Variants in RSPO2 observed in about 807,000 individuals in gnomAD.
RSPO2 encodes R-spondin-2.
RSPO2 carries 14 observed loss-of-function variants against 30.9 expected under a neutral mutation model. That is an observed-to-expected ratio of 0.45 (90% CI 0.30 to 0.71). The LOEUF (loss-of-function observed/expected upper bound fraction) is 0.71. Among genes scored for constraint, RSPO2 ranks in the 30% least tolerant of loss-of-function variants. RSPO2 has a pLI of 0.08. For missense variants in RSPO2, 264 were observed against 301.9 expected, an observed-to-expected ratio of 0.87 and a Z score of 0.93; for synonymous variants, 107 against 96.4, an observed-to-expected ratio of 1.11 and a Z score of -0.64.
chr8:107,978,895 G>T (rs76414538), intron 3 of RSPO2, among the ~76,000 whole-genome samples: 113,294 of 150,804 alleles, frequency 0.75, 42,641 homozygotes, highest in East Asian at 0.92. Context: ...CTTCTCAAAA[G>T]AAGACATTTA....
intron 5 of RSPO2, among the ~76,000 whole-genome samples, chr8:107,922,367 A>C (rs1288456219): frequency 1.3e-5 from 2 of 152,160 alleles, no homozygotes; most frequent in Admixed American, 1.3e-4. Flanking sequence ...AAGAAGAATA[A>C]AATATCTAGG....
chr8:108,040,993 T>TA (rs1811735755), intron 2 of RSPO2, among the ~76,000 whole-genome samples: 1 of 152,126 alleles, frequency 6.6e-6, no homozygotes, highest in Non-Finnish European at 1.5e-5. Flanking sequence ...TACATTTGTT[T>TA]AGTTTTGTCT....
At chr8:108,048,104 A>C (rs1301887826) in intron 2 of RSPO2, among the ~76,000 whole-genome samples, 1 of 152,114 alleles carries the variant, frequency 6.6e-6, no homozygotes, top group Non-Finnish European at 1.5e-5. Context: ...AAGGAGGTAG[A>C]TACTACTCGC....
chr8:108,050,484 T>C lies in RSPO2; in HGVS notation c.94+32061A>G, dbSNP rs539800089. Among the ~76,000 whole-genome samples, 8 of 152,288 alleles carry C rather than the reference T, an allele frequency of 5.3e-5. No homozygotes were observed. In the South Asian group the frequency reaches 1.5e-3, roughly 28 times the overall value. On this transcript the variant is annotated intron_variant, in intron 2 of 5. Transcript: ENST00000276659. ...GATTGATAAAGTAAATATGGAAATA[T>C]ATTAATTTTTTTATTCTAGACCATA...
At chr8:107,960,099 T>A (rs538939) in intron 4 of RSPO2, among the ~76,000 whole-genome samples, 118,374 of 152,012 alleles carry the variant, frequency 0.78, 46,261 homozygotes, top group East Asian at 0.94. Context: ...TTTTACCAAC[T>A]CTCAGAAGAT....
intron 5 of RSPO2, among the ~76,000 whole-genome samples, chr8:107,943,311 A>G (rs1812957385): frequency 6.6e-6 from 1 of 152,236 alleles, no homozygotes; most frequent in Admixed American, 6.5e-5. Context: ...ATTGTGGAAT[A>G]ATGTTACTAA....
chr8:107,900,933 G>T lies in RSPO2; in HGVS notation c.*142C>A. On this transcript the variant is annotated 3_prime_UTR_variant, in exon 6 of 6. Coordinates refer to ENST00000276659, the MANE Select transcript of RSPO2 (RefSeq NM_178565.5). ...TAAATAACACAGGGGCCATGCTGGT[G>T]GTGCTTCCTTTCACCATGTTACTGG... 4.9e-6 allele frequency: 4 copies of T among 813,838 alleles called. No homozygotes were observed. The highest frequency in any genetic ancestry group is 3.9e-6 in the Non-Finnish European group (2 of 515,146). The allele number at this position is 813,838 out of a possible 1,614,324, so 50.4% of individuals were successfully genotyped here. A position where few individuals can be genotyped will look rare whatever the true frequency, so the allele number is the denominator to read the frequency against.
intron 2 of RSPO2, among the ~76,000 whole-genome samples, chr8:108,070,421 T>C (rs973920974): frequency 5.3e-5 from 8 of 151,344 alleles, no homozygotes; most frequent in Non-Finnish European, 8.8e-5. Context: ...GCCTCCCGAG[T>C]AGCTGGGACT....
chr8:107,960,672 AC>A lies in RSPO2; in HGVS notation c.427+1del. The A allele has an allele frequency of 6.2e-7, 1 of 1,608,772 alleles. No individual in the cohort carries two copies. Among genetic ancestry groups the A allele is most frequent in the Non-Finnish European group, 8.5e-7 (1 of 1,178,702 alleles). On this transcript the variant is annotated splice_donor_variant, in intron 4 of 5. Coordinates refer to ENST00000276659, the MANE Select transcript of RSPO2 (RefSeq NM_178565.5). LOFTEE classifies it high-confidence loss of function. ...TTGAGAGTTACATTAAAAACTACTC[AC>A]CCACACATTCCATGGTTTCTTCTAA...
intron 2 of RSPO2, among the ~76,000 whole-genome samples, chr8:108,030,937 G>C (rs908820801): frequency 2.6e-5 from 4 of 151,956 alleles, no homozygotes; most frequent in Non-Finnish European, 5.9e-5. Context: ...GGCTGTCCGA[G>C]GTCCCTGAAA....
At chr8:107,902,196 A>C (rs1175225392) in intron 5 of RSPO2, among the ~76,000 whole-genome samples, 1 of 152,150 alleles carries the variant, frequency 6.6e-6, no homozygotes, top group East Asian at 1.9e-4. Flanking sequence ...TTTTACAGAA[A>C]GTAAGTCACC....
chr8:107,956,205 T>G (rs1013624747), intron 5 of RSPO2, among the ~76,000 whole-genome samples: 20 of 152,196 alleles, frequency 1.3e-4, no homozygotes, highest in Admixed American at 4.6e-4. Flanking sequence ...ACAATTATAT[T>G]TAGTTTCCTT....
rs1308542391 is a variant in RSPO2 at position 107,951,440 on chromosome 8, AG to A, written c.616+6639del. Reference sequence around the variant, plus strand: ...AGGGAAAAACGAGTCTCCTGCACGGAGGGGGAAAAATATCTACCACTGACAC... The same window carrying A: ...AGGGAAAAACGAGTCTCCTGCACGGAGGGGAAAAATATCTACCACTGACAC... On this transcript the variant is annotated intron_variant, in intron 5 of 5. Transcript: ENST00000276659. Among the ~76,000 whole-genome samples, 14 of 152,108 alleles carry A rather than the reference AG, an allele frequency of 9.2e-5. 1 individual carries two copies. Among genetic ancestry groups the A allele is most frequent in the Non-Finnish European group, 1.9e-4 (13 of 68,030 alleles).
chr8:108,063,384 A>G lies in RSPO2; in HGVS notation c.94+19161T>C, dbSNP rs543418719. On this transcript the variant is annotated intron_variant, in intron 2 of 5. Coordinates refer to ENST00000276659, the MANE Select transcript of RSPO2 (RefSeq NM_178565.5). ...AAATCACAAGCATTCTTATACACCA[A>G]TAACAGACAAAAAGAGAGCCAAATC... 2.6e-5 allele frequency among the ~76,000 whole-genome samples: 4 copies of G among 152,000 alleles called. No homozygotes were observed. The South Asian group carries it at 6.2e-4, about 24-fold the overall frequency.
intron 5 of RSPO2, among the ~76,000 whole-genome samples, chr8:107,943,867 C>T (rs773716359): frequency 2.0e-5 from 3 of 152,188 alleles, no homozygotes; most frequent in Non-Finnish European, 4.4e-5. Flanking sequence ...AGATGCAAGA[C>T]ACAGGCATGT....
intron 3 of RSPO2, among the ~76,000 whole-genome samples, chr8:107,970,378 A>G (rs1398791830): frequency 1.3e-5 from 2 of 152,184 alleles, no homozygotes; most frequent in Admixed American, 6.5e-5. Context: ...TAGCAGTCCA[A>G]ATTTTGCCCT....
chr8:107,921,019 GA>G (rs761698120), intron 5 of RSPO2, among the ~76,000 whole-genome samples: 14 of 151,962 alleles, frequency 9.2e-5, no homozygotes, highest in Admixed American at 1.3e-4. Context: ...ACTAACATGA[GA>G]AAAATATTTG....
chr8:108,002,248 CA>C (rs1359837610), intron 2 of RSPO2, among the ~76,000 whole-genome samples: 2 of 152,114 alleles, frequency 1.3e-5, no homozygotes, highest in Non-Finnish European at 2.9e-5. Context: ...ATGAAGATTG[CA>C]AAACCACCAC....
intron 3 of RSPO2, among the ~76,000 whole-genome samples, chr8:107,965,203 G>A (rs1280101404): frequency 6.6e-6 from 1 of 152,052 alleles, no homozygotes; most frequent in African/African-American, 2.4e-5. Flanking sequence ...AAATTACAGT[G>A]CCTCCTCAAA....
Sources: allele counts gnomAD v4.1 joint callset (sites outside exome capture counted in the v4.1 genomes callset), GRCh38; gene constraint gnomAD v4.1.1; transcripts MANE v1.5; gene names NCBI Gene and HGNC (gene_info 2026-07-23, HGNC 2026-07-21).